SPRY1: variants seen among roughly 807,000 people sequenced by gnomAD.
The protein encoded by SPRY1 is protein sprouty homolog 1.
A neutral mutation model predicts 22.6 loss-of-function variants in SPRY1; 20 were observed. The observed-to-expected ratio is 0.89, with a 90% confidence interval of 0.62 to 1.29. SPRY1 has a LOEUF of 1.29. Among genes scored for constraint, SPRY1 ranks in the 50% most tolerant of loss-of-function variants. SPRY1 has a pLI of 0.00. For missense variants in SPRY1, 446 were observed against 387.7 expected (o/e 1.15, Z -1.26); for synonymous variants, 155 against 144.7 (o/e 1.07, Z -0.51).
rs1386302107 is a variant in SPRY1 at position 123,402,952 on chromosome 4, G to C, written c.*401G>C. ...GAAATTGGTTTTTTAAAAAGCAACT[G>C]TTTAATTGCTTAAATAAGCTATGTA... On this transcript the variant is annotated 3_prime_UTR_variant, in exon 3 of 3. Coordinates refer to ENST00000651917, the MANE Select transcript of SPRY1 (RefSeq NM_001258038.2). The C allele has an allele frequency of 2.3e-6, 1 of 428,606 alleles. No homozygotes were observed. Among genetic ancestry groups the C allele is most frequent in the Non-Finnish European group, 4.3e-6 (1 of 234,530 alleles). 26.6% of individuals were successfully genotyped at this position (428,606 alleles called of 1,614,324 possible).
chr4:123,398,568 G>A (rs1351269661), intron 2 of SPRY1: 8 of 152,304 alleles, frequency 5.3e-5, no homozygotes, highest in Admixed American at 5.2e-4. Flanking sequence ...GCGCGGGCGG[G>A]GCTCGCTCGG....
chr4:123,400,878 GT>G (rs930560490), intron 2 of SPRY1, among the ~76,000 whole-genome samples: 1 of 152,002 alleles, frequency 6.6e-6, no homozygotes, highest in Non-Finnish European at 1.5e-5. Context: ...GTGTGTGTGT[GT>G]TTGTAGCTCC....
chr4:123,401,595 G>T lies in SPRY1; in HGVS notation c.4G>T (p.Asp2Tyr), dbSNP rs1207370093. 5 of 1,613,760 alleles carry T rather than the reference G, an allele frequency of 3.1e-6. No individual in the cohort carries two copies. In the Admixed American group the frequency reaches 6.7e-5, roughly 22 times the overall value. ...CCAGAACTCGAGATCACTACACATG[G>T]ATCCCCAAAATCAACATGGCAGTGG... is the stretch of plus-strand genomic sequence containing the variant. MDPQNQHGSGSS... is the reference protein window; with the variant it reads MYPQNQHGSGSS... Residue 2 changes from aspartate to tyrosine, a missense_variant, in exon 3 of 3, where the codon GAT becomes TAT. Asp to Tyr is a radical substitution (Grantham distance 160, BLOSUM62 -3). Transcript: ENST00000651917.
At chr4:123,398,410 C>T (rs1428391461) in intron 2 of SPRY1, 1 of 151,126 alleles carries the variant, frequency 6.6e-6, no homozygotes, top group Non-Finnish European at 1.5e-5. Context: ...GCGATGCCGC[C>T]TCGCCCTCCC....
chr4:123,401,328 C>A (rs1200477218), intron 2 of SPRY1, among the ~76,000 whole-genome samples: 3 of 152,110 alleles, frequency 2.0e-5, no homozygotes, highest in Non-Finnish European at 4.4e-5. Context: ...CATGGGGTCT[C>A]TTGTTTATAG....
At chr4:123,399,496 C>T (rs929798281) in intron 2 of SPRY1, 1 of 152,312 alleles carries the variant, frequency 6.6e-6, no homozygotes, top group Non-Finnish European at 1.5e-5. Context: ...TTTCCTTTTC[C>T]TTCTTCCGTC....
chr4:123,401,832 A>T lies in SPRY1; in HGVS notation c.241A>T (p.Ile81Leu). Residue 81 changes from isoleucine to leucine, a missense_variant, in exon 3 of 3, where the codon ATA becomes TTA. Transcript: ENST00000651917. ...AAAGCATGAAAGGACTCATGAAATC[A>T]TACCAATTAATGTGAATAATAACTA... ...QEKHERTHEI[I>L]PINVNNNYEH... 6.2e-7 allele frequency: 1 copy of T among 1,614,256 alleles called. No homozygotes were observed. The highest frequency in any genetic ancestry group is 8.5e-7 in the Non-Finnish European group (1 of 1,180,046).
At chr4:123,398,712 G>A (rs1725020683) in intron 2 of SPRY1, among the ~76,000 whole-genome samples, 1 of 152,138 alleles carries the variant, frequency 6.6e-6, no homozygotes, top group South Asian at 2.1e-4. Context: ...GCTTCTGGGG[G>A]CTCAAGGTTG....
chr4:123,399,319 T>C (rs1725051616), intron 2 of SPRY1, among the ~76,000 whole-genome samples: 4 of 151,394 alleles, frequency 2.6e-5, no homozygotes, highest in Admixed American at 2.6e-4. Context: ...GAGGTTGCAG[T>C]GAGCCAAGGT....
chr4:123,400,884 A>G (rs1297812304), intron 2 of SPRY1, among the ~76,000 whole-genome samples: 1 of 152,110 alleles, frequency 6.6e-6, no homozygotes, highest in Non-Finnish European at 1.5e-5. Flanking sequence ...GTGTGTTTGT[A>G]GCTCCAAAAC....
Position 123,401,495 on chromosome 4 carries a change from G to A in SPRY1, c.-55-42G>A, listed in dbSNP as rs113802340. The A allele has an allele frequency of 1.1e-4, 166 of 1,505,442 alleles. 1 individual carries two copies. In the African/African-American group the frequency reaches 2.1e-3, roughly 19 times the overall value. The allele number at this position is 1,505,442 out of a possible 1,614,324, so 93.3% of individuals were successfully genotyped here. ...CCCCCCCCCAAAAAAAATGCTTCCTGTCATTTATTTTCTGTTTTTTTCATC... is the reference window on the plus strand; with the variant it reads ...CCCCCCCCCAAAAAAAATGCTTCCTATCATTTATTTTCTGTTTTTTTCATC... On this transcript the variant is annotated intron_variant, in intron 2 of 2. Coordinates refer to ENST00000651917, the MANE Select transcript of SPRY1 (RefSeq NM_001258038.2).
chr4:123,401,944 G>A lies in SPRY1; in HGVS notation c.353G>A (p.Gly118Glu). Residue 118 changes from glycine to glutamate, a missense_variant, in exon 3 of 3, where the codon GGA (glycine) becomes GAA (glutamate). Gly to Glu is a moderately conservative substitution (Grantham distance 98, BLOSUM62 -2). Transcript: ENST00000651917. ...ATTTTGAGCAGATCAACCAGCACTG[G>A]AAGTGCAGCCAGCTCTGGGAGCAAC... The part of the protein sequence containing the change: ...GPILSRSTST[G>E]SAASSGSNSS... The A allele has an allele frequency of 1.2e-6, 2 of 1,614,194 alleles. No individual in the cohort carries two copies. The highest frequency in any genetic ancestry group is 1.7e-6 in the Non-Finnish European group (2 of 1,180,036).
rs761064306 is a variant in SPRY1 at position 123,402,087 on chromosome 4, T to C, written c.496T>C (p.Leu166=). ...TQPKQLIVDD[L]KGSLKEDLTQ... ...GCCCAAGCAACTGATTGTGGATGAC[T>C]TGAAGGGTTCCTTGAAAGAGGACCT... Residue 166 remains leucine (L), a synonymous_variant, in exon 3 of 3, where the codon TTG becomes CTG. Coordinates refer to ENST00000651917, the MANE Select transcript of SPRY1 (RefSeq NM_001258038.2). The C allele has an allele frequency of 2.0e-5, 32 of 1,614,092 alleles. No homozygotes were observed. Among genetic ancestry groups the C allele is most frequent in the South Asian group, 1.1e-5 (1 of 91,082 alleles).
At chr4:123,400,190 G>T (rs1403185321) in intron 2 of SPRY1, 1 of 152,154 alleles carries the variant, frequency 6.6e-6, no homozygotes, top group Non-Finnish European at 1.5e-5. Flanking sequence ...ATCCCCGCAG[G>T]TTATGAATGT....
chr4:123,397,226 AG>A (rs1432957140), intron 1 of SPRY1, among the ~76,000 whole-genome samples: 1 of 152,204 alleles, frequency 6.6e-6, no homozygotes, highest in Non-Finnish European at 1.5e-5. Flanking sequence ...TTATGCGAAG[AG>A]GGGCTAGCAC....
Position 123,402,312 on chromosome 4 carries a change from T to TA in SPRY1, c.722dup (p.Tyr241Ter). ...CTCCAATGACGACGAAGGGGATTCC[T>TA]ATTCAGATAATCCTTGCTCCTGTTC... ...HCSNDDEGDS[Y>*]SDNPCSCSQS... The change falls in exon 3 of 3, where the codon TAT (tyrosine) becomes TAAT (stop). Residue 241 changes from tyrosine to a stop codon, truncating the protein, a stop_gained and frameshift_variant. Transcript: ENST00000651917. LOFTEE classifies it high-confidence loss of function. The TA allele has an allele frequency of 6.2e-7, 1 of 1,614,234 alleles. No individual in the cohort carries two copies. The highest frequency in any genetic ancestry group is 8.5e-7 in the Non-Finnish European group (1 of 1,180,020).
intron 2 of SPRY1, chr4:123,398,529 G>A (rs970057214): frequency 5.9e-5 from 9 of 151,796 alleles, no homozygotes; most frequent in African/African-American, 1.9e-4. Context: ...TGTGTGCGGC[G>A]GCCGCCCTCG....
chr4:123,401,473 C>A (rs982619021), intron 2 of SPRY1, 64 bp from the exon 3 acceptor site: 1 of 1,280,706 alleles, frequency 7.8e-7, no homozygotes, highest in African/African-American at 1.6e-5. Context: ...AGGATTCCCC[C>A]CCCCCAAAAA....
At chr4:123,400,455 A>G (rs1004736493) in intron 2 of SPRY1, 2 of 152,080 alleles carry the variant, frequency 1.3e-5, no homozygotes, top group African/African-American at 4.8e-5. Context: ...TTTAGAAGGA[A>G]TTTGTGTGAA....
Sources: allele counts gnomAD v4.1 joint callset (sites outside exome capture counted in the v4.1 genomes callset), GRCh38; gene constraint gnomAD v4.1.1; transcripts MANE v1.5; gene names NCBI Gene and HGNC (gene_info 2026-07-23, HGNC 2026-07-21).